PPP4R4: variants seen among roughly 807,000 people sequenced by gnomAD.
PPP4R4 encodes serine/threonine-protein phosphatase 4 regulatory subunit 4.
PPP4R4 carries 70 observed loss-of-function variants against 121.8 expected under a neutral mutation model. The ratio of observed to expected loss-of-function variants is 0.57; its 90% CI spans 0.47 to 0.70. The LOEUF (loss-of-function observed/expected upper bound fraction) is 0.70, where lower values mean the gene tolerates loss of function less well. Ranked by LOEUF, PPP4R4 falls within the 30% of genes least tolerant of loss-of-function variation. The probability of loss-of-function intolerance (pLI) is 0.00; values close to 1 mark genes in which losing one functional copy is unlikely to be tolerated. For synonymous variants in PPP4R4, 348 were observed against 355.7 expected, an observed-to-expected ratio of 0.98 and a Z score of 0.24; for missense variants, 875 against 1,033.6, an observed-to-expected ratio of 0.85 and a Z score of 2.10.
At chr14:94,234,249 A>G (rs937210637) in intron 6 of PPP4R4, among the ~76,000 whole-genome samples, 3 of 152,194 alleles carry the variant, frequency 2.0e-5, no homozygotes, top group African/African-American at 7.2e-5. Context: ...AGTAAAGCTG[A>G]AGAGTATTTT....
intron 2 of PPP4R4, among the ~76,000 whole-genome samples, chr14:94,202,958 G>T (rs928505607): frequency 6.6e-6 from 1 of 151,026 alleles, no homozygotes; most frequent in Non-Finnish European, 1.5e-5. Context: ...ACTCCAGCCT[G>T]GTGACAGAGC....
rs547705885 is a variant in PPP4R4, at chr14:94,256,490, G to A, written c.1896G>A (p.Val632=). The stretch of plus-strand genomic sequence containing the variant: ...AACTTTGCTACCTGTTGCCCAAAGT[G>A]AAATCTACTCTGAAGATTCCTGCTG... The part of the protein sequence containing the change: ...RMKLCYLLPK[V]KSTLKIPADK... Residue 632 remains valine (V), a synonymous_variant, in exon 17 of 25, where the codon GTG becomes GTA. Transcript: ENST00000304338. 9.7e-4 allele frequency: 1,562 copies of A among 1,602,510 alleles called. 28 individuals carry two copies. In the South Asian group the frequency reaches 0.016, roughly 17 times the overall value.
At chr14:94,242,018 A>T in intron 10 of PPP4R4, 61 bp downstream of exon 10, 2 of 1,460,622 alleles carry the variant, frequency 1.4e-6, no homozygotes, top group Non-Finnish European at 1.9e-6. Flanking sequence ...ATATGTGCAT[A>T]GATGGCATTC....
intron 3 of PPP4R4, chr14:94,227,822 T>G (rs1418335282): frequency 1.0e-6 from 1 of 986,826 alleles, no homozygotes; most frequent in East Asian, 1.1e-4. Flanking sequence ...TTTCTGTTTC[T>G]AAATAAAAGC....
At chr14:94,257,673 A>ACACACG (rs1305982965) in intron 17 of PPP4R4, among the ~76,000 whole-genome samples, 57 of 148,852 alleles carry the variant, frequency 3.8e-4, no homozygotes, top group African/African-American at 1.4e-3. Flanking sequence ...ACACACACAC[A>ACACACG]CACTTGTTTC....
At chr14:94,263,508 C>A (rs1180539444) in intron 19 of PPP4R4, among the ~76,000 whole-genome samples, 11 of 152,176 alleles carry the variant, frequency 7.2e-5, no homozygotes, top group African/African-American at 2.6e-4. Flanking sequence ...ATTTGTGTGA[C>A]TAAAGTGGAA....
intron 11 of PPP4R4, among the ~76,000 whole-genome samples, chr14:94,243,078 A>G (rs1566684467): frequency 6.6e-6 from 1 of 151,828 alleles, no homozygotes; most frequent in Non-Finnish European, 1.5e-5. Flanking sequence ...AGAATATTTC[A>G]CCCCCTTCCT....
chr14:94,221,665 TAAC>T (rs1200668956), intron 3 of PPP4R4, among the ~76,000 whole-genome samples: 2 of 151,900 alleles, frequency 1.3e-5, no homozygotes, highest in Non-Finnish European at 2.9e-5. Flanking sequence ...GTACTAAAAA[TAAC>T]AAAAAACAAA....
chr14:94,232,888 C>T (rs1273029100), intron 5 of PPP4R4, among the ~76,000 whole-genome samples: 2 of 151,982 alleles, frequency 1.3e-5, no homozygotes, highest in South Asian at 2.1e-4. Context: ...GAAACCCCGT[C>T]TCTACTAAAA....
At chr14:94,225,010 G>T (rs1164122558) in intron 3 of PPP4R4, among the ~76,000 whole-genome samples, 3 of 152,182 alleles carry the variant, frequency 2.0e-5, no homozygotes, top group Non-Finnish European at 4.4e-5. Flanking sequence ...CAGTTGATCT[G>T]TGTGGATGTG....
At position 94,258,857 on chromosome 14, in the gene PPP4R4, T is replaced by C. The variant is rs571762740; in HGVS notation, c.2052+33T>C. The C allele has an allele frequency of 9.7e-6, 15 of 1,541,288 alleles. No homozygotes were observed. The South Asian group carries it at 1.7e-4, about 18-fold the overall frequency. On this transcript the variant is annotated intron_variant, in intron 18 of 24. Transcript: ENST00000304338. ...TACTCTCTTTACCTTATTGTGTTGG[T>C]CCATTTTCATGCTGCTGAAAAAGAC...
rs150761653 is a variant in PPP4R4, at chr14:94,231,303, C to G, written c.504C>G (p.Thr168=). Reference sequence around the variant, plus strand: ...TTATAGAAGTATTGCCAAAAGAAACCCTACGGCATGAGGTAATACTTTCAT... The same window carrying G: ...TTATAGAAGTATTGCCAAAAGAAACGCTACGGCATGAGGTAATACTTTCAT... ...LSVIEVLPKE[T]LRHEILNPLV... The change falls in exon 5 of 25, where the codon ACC becomes ACG. Residue 168 remains threonine, a synonymous_variant. Coordinates refer to ENST00000304338, the MANE Select transcript of PPP4R4 (RefSeq NM_058237.2). 3 of 1,609,560 alleles carry G rather than the reference C, an allele frequency of 1.9e-6. No individual in the cohort carries two copies. The Admixed American group carries it at 5.0e-5, about 27-fold the overall frequency.
chr14:94,204,247 T>C (rs931803159), intron 2 of PPP4R4, among the ~76,000 whole-genome samples: 2 of 152,120 alleles, frequency 1.3e-5, no homozygotes, highest in African/African-American at 4.8e-5. Context: ...TTTGAGTTAG[T>C]GTGAGGCATA....
rs777799404 is a variant in PPP4R4, at chr14:94,259,346, G to A, written c.2104G>A (p.Glu702Lys). The A allele has an allele frequency of 2.3e-5, 37 of 1,610,806 alleles. No individual in the cohort carries two copies. The African/African-American group carries it at 3.9e-4, about 17-fold the overall frequency. Residue 702 changes from glutamate to lysine, a missense_variant, in exon 19 of 25, where the codon GAA (glutamate) becomes AAA (lysine). Transcript: ENST00000304338. ...KDLLDQEKER[E>K]ELLLLEMEQL... is the part of the protein sequence containing the mutation. ...TTTGTTGGATCAAGAGAAAGAAAGA[G>A]AAGAACTACTTCTTTTGGAAATGGT... is the stretch of plus-strand genomic sequence containing the variant.
intron 2 of PPP4R4, among the ~76,000 whole-genome samples, chr14:94,199,599 A>G (rs1890059820): frequency 6.6e-6 from 1 of 152,122 alleles, no homozygotes; most frequent in African/African-American, 2.4e-5. Flanking sequence ...GAATAAGTGC[A>G]AGGTTGTATT....
Position 94,234,673 on chromosome 14 carries a change from G to A in PPP4R4, c.731+4G>A. 1 of 1,550,164 alleles carries A rather than the reference G, an allele frequency of 6.5e-7. No individual in the cohort carries two copies. Among genetic ancestry groups the A allele is most frequent in the South Asian group, 1.1e-5 (1 of 89,014 alleles). On this transcript the variant is annotated splice_donor_region_variant and intron_variant, in intron 7 of 24. Transcript: ENST00000304338. ...AAAATATAGCCCAGGGCATTGGGTA[G>A]GTATACTTTGAATTCCTTATGCCAT...
intron 3 of PPP4R4, among the ~76,000 whole-genome samples, chr14:94,221,370 A>G (rs528063315): frequency 6.6e-6 from 1 of 152,290 alleles, no homozygotes; most frequent in African/African-American, 2.4e-5. Flanking sequence ...TTGATAAATT[A>G]GATCTGTTCT....
At chr14:94,220,813 C>G (rs1490184027) in intron 3 of PPP4R4, among the ~76,000 whole-genome samples, 2 of 151,928 alleles carry the variant, frequency 1.3e-5, no homozygotes, top group Admixed American at 1.3e-4. Context: ...TCAGTTTGCC[C>G]CAGATCAATG....
chr14:94,174,592 G>A lies in PPP4R4; in HGVS notation c.117+10G>A. Reference sequence around the variant, plus strand: ...CCGCCGGAGCCTCAAGGTGCGCCCCGGGGAGAGGACCTGCCCTCACGGCGT... The same window carrying A: ...CCGCCGGAGCCTCAAGGTGCGCCCCAGGGAGAGGACCTGCCCTCACGGCGT... On this transcript the variant is annotated intron_variant, in intron 1 of 24. Coordinates refer to ENST00000304338, the MANE Select transcript of PPP4R4 (RefSeq NM_058237.2). 6.2e-7 allele frequency: 1 copy of A among 1,610,204 alleles called. No homozygotes were observed. Among genetic ancestry groups the A allele is most frequent in the Non-Finnish European group, 8.5e-7 (1 of 1,178,540 alleles).
Sources: gnomAD v4.1 joint callset for allele counts (sites outside exome capture counted in the v4.1 genomes callset) on GRCh38, gnomAD v4.1.1 for gene constraint, MANE v1.5 for transcripts, NCBI Gene and HGNC (gene_info 2026-07-23, HGNC 2026-07-21) for gene names.